The following THSD4 variants were observed in gnomAD, a reference collection of about 807,000 sequenced individuals.
The protein encoded by THSD4 is thrombospondin type-1 domain-containing protein 4.
Under a neutral mutation model 119.0 loss-of-function variants are expected in THSD4, and 69 were observed. That is an observed-to-expected ratio of 0.58 (90% CI 0.48 to 0.71). The LOEUF is 0.71. THSD4 is among the 30% of genes least tolerant of loss of function. The probability of loss-of-function intolerance (pLI) is 0.00; values close to 1 mark genes in which losing one functional copy is unlikely to be tolerated. For missense variants in THSD4, 1,393 were observed against 1,391.1 expected, an observed-to-expected ratio of 1.00 and a Z score of -0.02; for synonymous variants, 524 against 540.4, an observed-to-expected ratio of 0.97 and a Z score of 0.42.
At chr15:71,228,241 G>A (rs895477943) in intron 4 of THSD4, among the ~76,000 whole-genome samples, 1 of 152,070 alleles carries the variant, frequency 6.6e-6, no homozygotes, top group African/African-American at 2.4e-5. Context: ...GGTGGCTGAT[G>A]TGAAGATAGA....
chr15:71,291,705 A>G (rs1030220703), intron 6 of THSD4, among the ~76,000 whole-genome samples: 2 of 152,312 alleles, frequency 1.3e-5, no homozygotes, highest in East Asian at 3.9e-4. Flanking sequence ...ATAATGCTTG[A>G]CCAAATATCT....
chr15:71,367,457 C>T (rs573448606), intron 6 of THSD4, among the ~76,000 whole-genome samples: 9 of 152,300 alleles, frequency 5.9e-5, no homozygotes, highest in Middle Eastern at 3.4e-3. Context: ...CGACAGGCCC[C>T]GGTGTGTGAT....
At chr15:71,724,287 A>ATATATATATACATATATATATATT in intron 8 of THSD4, among the ~76,000 whole-genome samples, 6 of 37,288 alleles carry the variant, frequency 1.6e-4, no homozygotes, top group South Asian at 2.0e-3. Flanking sequence ...ATATATATAT[A>ATATATATATACATATATATATATT]TTTTTTTTTT....
At chr15:71,170,461 G>A (rs1257648739) in intron 3 of THSD4, among the ~76,000 whole-genome samples, 1 of 152,126 alleles carries the variant, frequency 6.6e-6, no homozygotes, top group East Asian at 1.9e-4. Flanking sequence ...GAATACTCAG[G>A]AAGCTCTCAC....
chr15:71,767,098 T>C (rs2140235224), intron 16 of THSD4: 1 of 152,280 alleles, frequency 6.6e-6, no homozygotes, highest in East Asian at 1.9e-4. Flanking sequence ...TCAAAACTGA[T>C]AGATGTGTAT....
intron 7 of THSD4, among the ~76,000 whole-genome samples, chr15:71,538,648 C>T (rs2048718131): frequency 1.3e-5 from 2 of 152,224 alleles, no homozygotes; most frequent in Non-Finnish European, 2.9e-5. Flanking sequence ...AATCAATGGG[C>T]TTAACCCCCA....
chr15:71,770,945 T>G, intron 16 of THSD4, 119 bp from the exon 17 acceptor site: 3 of 1,459,508 alleles, frequency 2.1e-6, no homozygotes, highest in Non-Finnish European at 2.8e-6. Context: ...CATGGGAGTT[T>G]GTTTTCATAT....
chr15:71,099,740 A>T (rs1238977524), intron 1 of THSD4, among the ~76,000 whole-genome samples: 1 of 152,088 alleles, frequency 6.6e-6, no homozygotes, highest in Admixed American at 6.6e-5. Context: ...CAAGGGGGGC[A>T]GATCGCTTGA....
intron 5 of THSD4, among the ~76,000 whole-genome samples, chr15:71,248,032 A>C (rs765187371): frequency 6.6e-6 from 1 of 152,172 alleles, no homozygotes; most frequent in Non-Finnish European, 1.5e-5. Context: ...CAGCACTGTG[A>C]GAGGCCCTGG....
intron 7 of THSD4, among the ~76,000 whole-genome samples, chr15:71,515,685 A>G (rs2048351110): frequency 6.6e-6 from 1 of 152,202 alleles, no homozygotes; most frequent in South Asian, 2.1e-4. Flanking sequence ...GGGAAAGGAA[A>G]CAAACCCAGC....
chr15:71,730,707 G>T, intron 9 of THSD4: 1 of 167,082 alleles, frequency 6.0e-6, no homozygotes, highest in Non-Finnish European at 1.3e-5. Flanking sequence ...CTGTCCAGGA[G>T]GTCTGCTGCT....
intron 6 of THSD4, among the ~76,000 whole-genome samples, chr15:71,393,878 G>T (rs139382605): frequency 3.3e-5 from 5 of 152,124 alleles, no homozygotes; most frequent in African/African-American, 1.2e-4. Context: ...TTTCTATAAG[G>T]AGTCTTCCTG....
intron 6 of THSD4, among the ~76,000 whole-genome samples, chr15:71,350,360 G>A (rs1035261105): frequency 6.6e-6 from 1 of 151,926 alleles, no homozygotes; most frequent in African/African-American, 2.4e-5. Flanking sequence ...GACATTCTTG[G>A]TGGGGAGCCC....
chr15:71,552,593 C>T (rs1367156147), intron 7 of THSD4, among the ~76,000 whole-genome samples: 2 of 152,210 alleles, frequency 1.3e-5, no homozygotes, highest in African/African-American at 4.8e-5. Context: ...CAAGTTTGAG[C>T]TTTGGGTCAA....
At chr15:71,452,413 A>G (rs2047277784) in intron 7 of THSD4, among the ~76,000 whole-genome samples, 1 of 151,780 alleles carries the variant, frequency 6.6e-6, no homozygotes, top group East Asian at 1.9e-4. Flanking sequence ...GGTGAAGGAA[A>G]AAGTTCCACA....
Position 71,494,202 on chromosome 15 carries a change from T to C in THSD4, c.1152+82379T>C, listed in dbSNP as rs528750694. ...AGAACTATTTTTCCATTTGCACTTA[T>C]TGTTTGTATTTGCAAACTGAGCATC... On this transcript the variant is annotated intron_variant, in intron 7 of 17. Coordinates refer to ENST00000261862, the MANE Select transcript of THSD4 (RefSeq NM_024817.3). 1.4e-3 allele frequency among the ~76,000 whole-genome samples: 210 copies of C among 152,366 alleles called. 6 individuals carry two copies. The South Asian group carries it at 0.041, about 30-fold the overall frequency.
rs565315707 is a variant in THSD4, at chr15:71,632,106, T to A, written c.1153-28424T>A. Reference sequence around the variant, plus strand: ...CAGAAAAAGTGAATGAGATAATCCATGAAAAGCATTGAGTCCAGTGCTCAC... The same window carrying A: ...CAGAAAAAGTGAATGAGATAATCCAAGAAAAGCATTGAGTCCAGTGCTCAC... On this transcript the variant is annotated intron_variant, in intron 7 of 17. Transcript: ENST00000261862. Among the ~76,000 whole-genome samples the A allele has an allele frequency of 5.0e-4, 76 of 152,372 alleles. No homozygotes were observed. The South Asian group carries it at 0.014, about 28-fold the overall frequency.
rs150473739 is a variant in THSD4 at position 71,686,144 on chromosome 15, A to C, written c.1357+25410A>C. Among the ~76,000 whole-genome samples, 42 of 152,322 alleles carry C rather than the reference A, an allele frequency of 2.8e-4. No individual in the cohort carries two copies. The East Asian group carries it at 7.9e-3, about 29-fold the overall frequency. ...AATGTACAGTTCAGTGGCATTAAGC[A>C]CATTCACATTATTGTACAACCATCA... On this transcript the variant is annotated intron_variant, in intron 8 of 17. Transcript: ENST00000261862.
intron 8 of THSD4, among the ~76,000 whole-genome samples, chr15:71,671,542 G>A (rs554976911): frequency 3.9e-5 from 6 of 152,290 alleles, no homozygotes; most frequent in Admixed American, 3.9e-4. Flanking sequence ...TGGTGTTTTA[G>A]ACTGAAGCCC....
Sources: allele counts gnomAD v4.1 joint callset (sites outside exome capture counted in the v4.1 genomes callset), GRCh38; gene constraint gnomAD v4.1.1; transcripts MANE v1.5; gene names NCBI Gene and HGNC (gene_info 2026-07-23, HGNC 2026-07-21).